CDH13: variants seen among roughly 807,000 people sequenced by gnomAD.
The protein encoded by CDH13 is cadherin-13.
A neutral mutation model predicts 63.8 loss-of-function variants in CDH13; 24 were observed. The observed-to-expected ratio is 0.38, with a 90% confidence interval of 0.27 to 0.53. The LOEUF (loss-of-function observed/expected upper bound fraction) is 0.53, where lower values mean the gene tolerates loss of function less well. Among genes scored for constraint, CDH13 ranks in the 20% least tolerant of loss-of-function variants. CDH13 has a pLI of 0.85. For missense variants in CDH13, 1,049 were observed against 903.1 expected (o/e 1.16, Z -2.07); for synonymous variants, 503 against 355.3 (o/e 1.42, Z -4.67).
At chr16:83,422,236 C>A (rs541411340) in intron 6 of CDH13, among the ~76,000 whole-genome samples, 32 of 152,204 alleles carry the variant, frequency 2.1e-4, no homozygotes, top group African/African-American at 7.0e-4. Context: ...AAAAATAATT[C>A]GTTTTGAAGA....
chr16:83,105,922 G>A (rs2034741232), intron 3 of CDH13, among the ~76,000 whole-genome samples: 1 of 152,204 alleles, frequency 6.6e-6, no homozygotes, highest in Non-Finnish European at 1.5e-5. Flanking sequence ...AAGGCATGAA[G>A]TCATGAGACA....
chr16:82,776,789 A>G (rs555306878), intron 1 of CDH13, among the ~76,000 whole-genome samples: 1 of 152,310 alleles, frequency 6.6e-6, no homozygotes, highest in Non-Finnish European at 1.5e-5. Context: ...CTCCCACCAG[A>G]AAGAGATGGG....
intron 1 of CDH13, among the ~76,000 whole-genome samples, chr16:82,840,077 A>G (rs2038941199): frequency 6.6e-6 from 1 of 152,166 alleles, no homozygotes. Context: ...TTTAGTTCAA[A>G]ACCTGACAAA....
At position 82,819,893 on chromosome 16, in the gene CDH13, G is replaced by A. The variant is rs139602619; in HGVS notation, c.46-38469G>A. Among the ~76,000 whole-genome samples, 106 of 152,268 alleles carry A rather than the reference G, an allele frequency of 7.0e-4. 1 individual carries two copies. The highest frequency in any genetic ancestry group is 1.6e-3 in the Admixed American group (24 of 15,284). Reference sequence around the variant, plus strand: ...TTTTAGAAGGTGATATATGCAATGGGAATAGAAAAAGCAGAGCCGAATGAG... The same window carrying A: ...TTTTAGAAGGTGATATATGCAATGGAAATAGAAAAAGCAGAGCCGAATGAG... On this transcript the variant is annotated intron_variant, in intron 1 of 13. Coordinates refer to ENST00000567109, the MANE Select transcript of CDH13 (RefSeq NM_001257.5).
chr16:83,511,084 GCACA>G (rs949374277), intron 7 of CDH13, among the ~76,000 whole-genome samples: 5 of 103,280 alleles, frequency 4.8e-5, no homozygotes, highest in South Asian at 3.2e-4. Flanking sequence ...ATGCACGCAT[GCACA>G]CACACATGCA....
intron 1 of CDH13, among the ~76,000 whole-genome samples, chr16:82,822,943 C>T (rs1442965718): frequency 6.6e-6 from 1 of 152,190 alleles, no homozygotes; most frequent in Non-Finnish European, 1.5e-5. Context: ...CTGGAGTCAT[C>T]TGGAAGTGCG....
Position 83,052,142 on chromosome 16 carries a change from C to G in CDH13, c.366+19924C>G, listed in dbSNP as rs183440684. Reference sequence around the variant, plus strand: ...TGATCCGTATGCCATGTCCATACGACTTAATATTTATTTTTAGAAACCTTT... The same window carrying G: ...TGATCCGTATGCCATGTCCATACGAGTTAATATTTATTTTTAGAAACCTTT... On this transcript the variant is annotated intron_variant, in intron 3 of 13. Coordinates refer to ENST00000567109, the MANE Select transcript of CDH13 (RefSeq NM_001257.5). Among the ~76,000 whole-genome samples, 218 of 152,196 alleles carry G rather than the reference C, an allele frequency of 1.4e-3. 1 individual carries two copies. Among genetic ancestry groups the G allele is most frequent in the Non-Finnish European group, 2.4e-3 (162 of 68,012 alleles).
In CDH13 at chr16:83,001,913, C is replaced by T. The variant is rs562285917; in HGVS notation, c.158-30097C>T. Among the ~76,000 whole-genome samples, 64 of 152,282 alleles carry T rather than the reference C, an allele frequency of 4.2e-4. 2 individuals carry two copies. Among genetic ancestry groups the T allele is most frequent in the Middle Eastern group, 6.8e-3 (2 of 294 alleles). ...AAATTTGTCTCAGGAGAGCTGTACA[C>T]CTCAGGAACATCATATCATAGAAAA... On this transcript the variant is annotated intron_variant, in intron 2 of 13. Coordinates refer to ENST00000567109, the MANE Select transcript of CDH13 (RefSeq NM_001257.5).
chr16:82,702,043 C>T (rs1257586235), intron 1 of CDH13, among the ~76,000 whole-genome samples: 4 of 152,164 alleles, frequency 2.6e-5, no homozygotes, highest in African/African-American at 9.7e-5. Context: ...TGTTCTGTCA[C>T]CCCATCCAAC....
chr16:83,079,623 G>A (rs902365306), intron 3 of CDH13, among the ~76,000 whole-genome samples: 2 of 152,160 alleles, frequency 1.3e-5, no homozygotes, highest in African/African-American at 4.8e-5. Context: ...TCTCTTTGTA[G>A]TTGTCATTGT....
At chr16:83,184,830 C>G (rs2038463667) in intron 4 of CDH13, among the ~76,000 whole-genome samples, 1 of 152,056 alleles carries the variant, frequency 6.6e-6, no homozygotes. Context: ...GTAGCAGTCC[C>G]TGCTCCAGAC....
chr16:82,864,565 C>T (rs1289048723), intron 2 of CDH13, among the ~76,000 whole-genome samples: 1 of 152,050 alleles, frequency 6.6e-6, no homozygotes, highest in Non-Finnish European at 1.5e-5. Flanking sequence ...AGAACTCACT[C>T]ACTATAATGA....
At chr16:82,907,703 C>A (rs2041695249) in intron 2 of CDH13, among the ~76,000 whole-genome samples, 1 of 152,136 alleles carries the variant, frequency 6.6e-6, no homozygotes, top group Non-Finnish European at 1.5e-5. Flanking sequence ...CCGGAACAGC[C>A]ACTTTTGAGT....
intron 7 of CDH13, among the ~76,000 whole-genome samples, chr16:83,563,496 T>C (rs1220379711): frequency 6.6e-6 from 1 of 152,202 alleles, no homozygotes; most frequent in Non-Finnish European, 1.5e-5. Context: ...ATGTTCAGAA[T>C]TTAATGTTGA....
chr16:83,653,182 T>G (rs1051122135), intron 8 of CDH13, among the ~76,000 whole-genome samples: 12 of 151,746 alleles, frequency 7.9e-5, no homozygotes, highest in African/African-American at 2.4e-4. Flanking sequence ...CTCCTGGGGG[T>G]GGGGCTTCTG....
intron 5 of CDH13, among the ~76,000 whole-genome samples, chr16:83,291,888 G>A (rs1314612796): frequency 3.9e-5 from 6 of 152,076 alleles, no homozygotes; most frequent in Admixed American, 2.0e-4. Context: ...TATAGCTAAT[G>A]TCATCTTGAC....
intron 1 of CDH13, chr16:82,719,528 C>A (rs892770832): frequency 2.3e-6 from 1 of 444,298 alleles, no homozygotes; most frequent in South Asian, 1.6e-5. Flanking sequence ...GGGGCTCCTT[C>A]CCCCTCTGTT....
chr16:82,736,607 T>C (rs534884620), intron 1 of CDH13, among the ~76,000 whole-genome samples: 5 of 152,346 alleles, frequency 3.3e-5, no homozygotes, highest in Admixed American at 3.3e-4. Flanking sequence ...CATTTTGTGA[T>C]GGTATTTTTT....
intron 2 of CDH13, among the ~76,000 whole-genome samples, chr16:82,944,552 TG>T (rs1009742086): frequency 3.3e-5 from 5 of 151,812 alleles, no homozygotes; most frequent in Admixed American, 2.6e-4. Context: ...GGACCAGGAG[TG>T]GGAGGAGAAC....
Sources: allele counts gnomAD v4.1 joint callset (sites outside exome capture counted in the v4.1 genomes callset), GRCh38; gene constraint gnomAD v4.1.1; transcripts MANE v1.5; gene names NCBI Gene and HGNC (gene_info 2026-07-23, HGNC 2026-07-21).